Variants in TPRG1 observed in about 807,000 individuals in gnomAD.
TPRG1 encodes tumor protein p63-regulated gene 1 protein.
Under a neutral mutation model 29.3 loss-of-function variants are expected in TPRG1, and 29 were observed. The observed-to-expected ratio is 0.99, with a 90% CI of 0.74 to 1.35. The LOEUF is 1.35. Among genes scored for constraint, TPRG1 ranks in the 40% most tolerant of loss-of-function variants. TPRG1 has a pLI of 0.00. For synonymous variants in TPRG1, 130 were observed against 116.8 expected (o/e 1.11, Z -0.73); for missense variants, 327 against 335.0 (o/e 0.98, Z 0.19).
At chr3:189,303,626 A>G (rs760327065) in intron 4 of TPRG1, among the ~76,000 whole-genome samples, 5 of 152,234 alleles carry the variant, frequency 3.3e-5, no homozygotes, top group African/African-American at 4.8e-5. Flanking sequence ...ATTGACAGGC[A>G]TCCTAACTTG....
chr3:189,299,388 T>C (rs1217003907), intron 4 of TPRG1, among the ~76,000 whole-genome samples: 3 of 152,178 alleles, frequency 2.0e-5, no homozygotes, highest in Non-Finnish European at 4.4e-5. Flanking sequence ...AGCCGTATAC[T>C]ATATGCATGC....
chr3:189,237,703 A>C (rs1739752359), intron 3 of TPRG1, among the ~76,000 whole-genome samples: 1 of 152,182 alleles, frequency 6.6e-6, no homozygotes, highest in South Asian at 2.1e-4. Context: ...AAGGAGTGAC[A>C]TCATTCAGTT....
At chr3:189,164,080 C>T (rs1193891904) in intron 5 of TPRG1, among the ~76,000 whole-genome samples, 1 of 152,044 alleles carries the variant, frequency 6.6e-6, no homozygotes, top group South Asian at 2.1e-4. Context: ...AAATGGAACT[C>T]ATGGTAAAAG....
rs1035319110 is a variant in TPRG1 at position 189,062,512 on chromosome 3, A to C, written c.-463+38566A>C. ...AAGAAGGAACAAAAAAATAGCAGAA[A>C]TATGAGTACATACAATGGACTATCC... On this transcript the variant is annotated intron_variant, in intron 4 of 10. Coordinates refer to the TPRG1 transcript ENST00000433971. Among the ~76,000 whole-genome samples, 3 of 152,200 alleles carry C rather than the reference A, an allele frequency of 2.0e-5. No individual in the cohort carries two copies. In the East Asian group the frequency reaches 5.8e-4, roughly 29 times the overall value.
intron 4 of TPRG1, among the ~76,000 whole-genome samples, chr3:189,280,154 GTTGT>G (rs1716864708): frequency 1.3e-5 from 2 of 152,172 alleles, no homozygotes; most frequent in South Asian, 4.2e-4. Flanking sequence ...GTTTAGCCCT[GTTGT>G]AAACAACAGG....
At chr3:189,275,054 CT>C (rs1715891129) in intron 4 of TPRG1, among the ~76,000 whole-genome samples, 2 of 151,676 alleles carry the variant, frequency 1.3e-5, no homozygotes, top group South Asian at 4.2e-4. Flanking sequence ...GGTTAAGGCA[CT>C]GCATGTATTT....
upstream of TPRG1, among the ~76,000 whole-genome samples, chr3:189,096,418 G>A (rs1320937759): frequency 3.3e-5 from 5 of 152,208 alleles, no homozygotes; most frequent in African/African-American, 1.2e-4. Context: ...TGTGCTTGTA[G>A]AGCAGCTATA....
At chr3:189,087,016 A>T (rs913699316) in intron 4 of TPRG1, among the ~76,000 whole-genome samples, 16 of 152,200 alleles carry the variant, frequency 1.1e-4, no homozygotes, top group Non-Finnish European at 4.4e-5. Context: ...CTTTGGGTAT[A>T]TACCCAGTAA....
At chr3:189,036,657 CAAAT>C (rs899813518) in intron 4 of TPRG1, among the ~76,000 whole-genome samples, 3 of 151,694 alleles carry the variant, frequency 2.0e-5, no homozygotes, top group Non-Finnish European at 2.9e-5. Flanking sequence ...TGACAACAGA[CAAAT>C]AAGTTTGAAT....
chr3:189,002,906 C>T (rs1219884654), intron 2 of TPRG1, among the ~76,000 whole-genome samples: 3 of 152,028 alleles, frequency 2.0e-5, no homozygotes, highest in African/African-American at 7.2e-5. Flanking sequence ...TCAATGGCCA[C>T]CCACTCCAAG....
intron 4 of TPRG1, among the ~76,000 whole-genome samples, chr3:189,079,006 C>T (rs1490628438): frequency 1.3e-5 from 2 of 152,096 alleles, no homozygotes; most frequent in Non-Finnish European, 2.9e-5. Context: ...TTATTGGGCT[C>T]ATGGTTCTGC....
chr3:189,118,878 T>G (rs1560461487), intron 1 of TPRG1, among the ~76,000 whole-genome samples: 1 of 152,092 alleles, frequency 6.6e-6, no homozygotes, highest in South Asian at 2.1e-4. Flanking sequence ...GCTACAGCAG[T>G]GTGGAAGGAA....
intron 4 of TPRG1, among the ~76,000 whole-genome samples, chr3:189,286,409 A>G (rs1238170668): frequency 6.6e-6 from 1 of 152,124 alleles, no homozygotes; most frequent in Non-Finnish European, 1.5e-5. Flanking sequence ...GGTTTTGTTC[A>G]CTGATGCATC....
intron 1 of TPRG1, among the ~76,000 whole-genome samples, chr3:189,192,687 T>C (rs1168420396): frequency 6.6e-6 from 1 of 152,218 alleles, no homozygotes; most frequent in Admixed American, 6.5e-5. Context: ...TTTTCTTTTA[T>C]TGTCTATCAT....
intron 4 of TPRG1, among the ~76,000 whole-genome samples, chr3:189,040,681 G>T (rs1279103603): frequency 1.3e-5 from 2 of 151,988 alleles, no homozygotes; most frequent in Non-Finnish European, 2.9e-5. Flanking sequence ...TCCCAACCTT[G>T]TACCATTGTC....
chr3:189,046,193 C>T (rs1478859954), intron 4 of TPRG1, among the ~76,000 whole-genome samples: 1 of 152,320 alleles, frequency 6.6e-6, no homozygotes, highest in East Asian at 1.9e-4. Flanking sequence ...TCTTCCTGTG[C>T]ACACTGACTG....
At chr3:189,174,973 GAT>G (rs1272386736) in intron 1 of TPRG1, among the ~76,000 whole-genome samples, 2 of 152,158 alleles carry the variant, frequency 1.3e-5, no homozygotes, top group Non-Finnish European at 2.9e-5. Flanking sequence ...CTAGCTTAAT[GAT>G]ATGTTTTCTC....
chr3:189,022,002 C>A (rs555525106), intron 3 of TPRG1, among the ~76,000 whole-genome samples: 1 of 152,040 alleles, frequency 6.6e-6, no homozygotes, highest in Non-Finnish European at 1.5e-5. Flanking sequence ...TTACTGATAC[C>A]CTTTCTTCCA....
At position 189,322,448 on chromosome 3, in the gene TPRG1, A is replaced by G. The variant is rs1442942476; in HGVS notation, c.*1628A>G. ...TCCCCCCATGATGGCAAATATTGTT[A>G]TAGTCCCCAAGGCAGGGAACTTCTA... On this transcript the variant is annotated 3_prime_UTR_variant, in exon 6 of 6. Transcript: ENST00000345063. 6.6e-6 allele frequency: 1 copy of G among 152,322 alleles called. No individual in the cohort carries two copies. Among genetic ancestry groups the G allele is most frequent in the East Asian group, 1.9e-4 (1 of 5,190 alleles). The allele number at this position is 152,322 out of a possible 1,614,324, so 9.4% of individuals were successfully genotyped here. A position where few individuals can be genotyped will look rare whatever the true frequency, so the allele number is the denominator to read the frequency against.
Sources: allele counts gnomAD v4.1 joint callset (sites outside exome capture counted in the v4.1 genomes callset), GRCh38; gene constraint gnomAD v4.1.1; transcripts MANE v1.5; gene names NCBI Gene and HGNC (gene_info 2026-07-23, HGNC 2026-07-21).